The following ELMO1 variants were observed in gnomAD, a reference collection of about 807,000 sequenced individuals.
ELMO1 encodes the protein engulfment and cell motility protein 1.
ELMO1 carries 26 observed loss-of-function variants against 98.9 expected under a neutral mutation model. The observed-to-expected ratio is 0.26, with a 90% CI of 0.19 to 0.36. ELMO1 has a LOEUF of 0.36. ELMO1 is among the 10% of genes least tolerant of loss of function. The pLI is 1.00. For synonymous variants in ELMO1, 346 were observed against 346.0 expected, an observed-to-expected ratio of 1.00 and a Z score of 0.00; for missense variants, 627 against 935.2, an observed-to-expected ratio of 0.67 and a Z score of 4.30.
At chr7:37,145,679 A>G (rs868661268) in intron 13 of ELMO1, among the ~76,000 whole-genome samples, 69 of 152,252 alleles carry the variant, frequency 4.5e-4, no homozygotes, top group African/African-American at 1.6e-3. Context: ...AGAGATGATG[A>G]TAACAATGCT....
At chr7:37,395,533 A>T (rs1272366495) in intron 1 of ELMO1, among the ~76,000 whole-genome samples, 1 of 152,230 alleles carries the variant, frequency 6.6e-6, no homozygotes, top group East Asian at 1.9e-4. Flanking sequence ...TAAGGAAAGT[A>T]AGTTATAACC....
intron 15 of ELMO1, among the ~76,000 whole-genome samples, chr7:37,034,357 A>C (rs982253665): frequency 1.3e-5 from 2 of 152,176 alleles, no homozygotes; most frequent in Non-Finnish European, 2.9e-5. Flanking sequence ...CCCAGGAACA[A>C]ACCAATGCCT....
chr7:37,057,517 T>C (rs1268320738), intron 15 of ELMO1, among the ~76,000 whole-genome samples: 2 of 152,242 alleles, frequency 1.3e-5, no homozygotes, highest in African/African-American at 4.8e-5. Flanking sequence ...AGAGCTTCTT[T>C]CATGCTTTCA....
At chr7:37,124,939 T>C (rs1474334141) in intron 14 of ELMO1, among the ~76,000 whole-genome samples, 1 of 152,126 alleles carries the variant, frequency 6.6e-6, no homozygotes, top group Non-Finnish European at 1.5e-5. Context: ...AAAACAGAGA[T>C]ATAGATCAAT....
intron 20 of ELMO1, among the ~76,000 whole-genome samples, chr7:36,865,415 A>G (rs191223257): frequency 6.6e-6 from 1 of 152,242 alleles, no homozygotes; most frequent in Non-Finnish European, 1.5e-5. Context: ...CATGTAGTAC[A>G]TAACAGAGAT....
chr7:37,089,897 A>G (rs538899414), intron 15 of ELMO1, among the ~76,000 whole-genome samples: 6 of 152,318 alleles, frequency 3.9e-5, no homozygotes, highest in Admixed American at 2.6e-4. Context: ...CTAATGGGTA[A>G]TGGGTAATGG....
chr7:36,951,351 G>A (rs1187329469), intron 16 of ELMO1, among the ~76,000 whole-genome samples: 2 of 152,178 alleles, frequency 1.3e-5, no homozygotes, highest in Admixed American at 6.5e-5. Flanking sequence ...CCAACACTTG[G>A]CTCCGGCCAA....
chr7:36,923,823 GA>G (rs1785328703), intron 16 of ELMO1, among the ~76,000 whole-genome samples: 2 of 152,182 alleles, frequency 1.3e-5, no homozygotes, highest in Non-Finnish European at 1.5e-5. Flanking sequence ...GGTCACGAAT[GA>G]TAAGTAGGAA....
At chr7:37,131,707 G>A (rs577682111) in intron 14 of ELMO1, among the ~76,000 whole-genome samples, 17 of 152,222 alleles carry the variant, frequency 1.1e-4, no homozygotes, top group Admixed American at 5.2e-4. Context: ...TCAAACCAAA[G>A]TTTTATGGAA....
chr7:37,390,483 G>A (rs1882073), intron 1 of ELMO1, among the ~76,000 whole-genome samples: 15,909 of 151,598 alleles, frequency 0.1, 1,815 homozygotes, highest in East Asian at 0.37. Flanking sequence ...ACTCCCAGAC[G>A]CACAGAGGCC....
At chr7:36,954,594 G>A (rs1244853439) in intron 16 of ELMO1, among the ~76,000 whole-genome samples, 1 of 152,126 alleles carries the variant, frequency 6.6e-6, no homozygotes, top group Non-Finnish European at 1.5e-5. Context: ...GGAGAACAAG[G>A]CCAATCTCAG....
intron 8 of ELMO1, among the ~76,000 whole-genome samples, chr7:37,225,387 G>T (rs897092717): frequency 3.3e-5 from 5 of 152,136 alleles, no homozygotes; most frequent in Non-Finnish European, 5.9e-5. Context: ...CTCTGGGATG[G>T]TAATGTCAAC....
intron 16 of ELMO1, among the ~76,000 whole-genome samples, chr7:36,973,568 G>A (rs1790169246): frequency 6.6e-6 from 1 of 152,062 alleles, no homozygotes; most frequent in African/African-American, 2.4e-5. Context: ...GGCAGTGAGA[G>A]GTGACAGCGT....
chr7:36,893,123 G>A (rs1476222504), intron 17 of ELMO1, among the ~76,000 whole-genome samples: 1 of 152,140 alleles, frequency 6.6e-6, no homozygotes, highest in East Asian at 1.9e-4. Flanking sequence ...GAGTTACTTG[G>A]CTTTAACGGA....
At chr7:37,300,583 GTATA>G (rs1798286671) in intron 4 of ELMO1, among the ~76,000 whole-genome samples, 1 of 92,082 alleles carries the variant, frequency 1.1e-5, no homozygotes. Context: ...ATTGATTTGT[GTATA>G]TTGAACCAGC....
At chr7:37,025,142 C>T (rs908059054) in intron 15 of ELMO1, among the ~76,000 whole-genome samples, 1 of 152,126 alleles carries the variant, frequency 6.6e-6, no homozygotes, top group African/African-American at 2.4e-5. Context: ...ACCCTTCATC[C>T]GTTGGCAAAA....
At chr7:37,223,975 AGGGG>A (rs1793731675) in intron 9 of ELMO1, among the ~76,000 whole-genome samples, 2 of 37,434 alleles carry the variant, frequency 5.3e-5, no homozygotes, top group Non-Finnish European at 2.2e-4. Flanking sequence ...CTAATGGACC[AGGGG>A]CAACAGTTAG....
intron 10 of ELMO1, among the ~76,000 whole-genome samples, chr7:37,221,589 C>A (rs1176911580): frequency 6.6e-6 from 1 of 152,156 alleles, no homozygotes; most frequent in East Asian, 1.9e-4. Flanking sequence ...TCTTCACATC[C>A]CCTCTGTAAT....
chr7:37,131,183 G>A (rs186894591), intron 14 of ELMO1, among the ~76,000 whole-genome samples: 111 of 151,960 alleles, frequency 7.3e-4, no homozygotes, highest in Non-Finnish European at 1.4e-3. Context: ...TTTCTATCTA[G>A]TAAATGCCCC....
Sources: allele counts gnomAD v4.1 joint callset (sites outside exome capture counted in the v4.1 genomes callset), GRCh38; gene constraint gnomAD v4.1.1; transcripts MANE v1.5; gene names NCBI Gene and HGNC (gene_info 2026-07-23, HGNC 2026-07-21).